RAB3IP: variants seen among roughly 807,000 people sequenced by gnomAD.
RAB3IP encodes the protein rab-3A-interacting protein.
A neutral mutation model predicts 59.1 loss-of-function variants in RAB3IP; 36 were observed. The observed-to-expected ratio is 0.61, with a 90% CI of 0.47 to 0.80. The LOEUF is 0.80. Ranked by LOEUF, RAB3IP falls within the 30% of genes least tolerant of loss-of-function variation. The pLI is 0.00. For synonymous variants in RAB3IP, 207 were observed against 191.2 expected (o/e 1.08, Z -0.68); for missense variants, 511 against 536.0 (o/e 0.95, Z 0.46).
intron 8 of RAB3IP, among the ~76,000 whole-genome samples, chr12:69,805,177 AGTGGTTT>A (rs1565924663): frequency 6.6e-6 from 1 of 152,130 alleles, no homozygotes; most frequent in Non-Finnish European, 1.5e-5. Flanking sequence ...TTCATTGAGC[AGTGGTTT>A]GTAGTTCTCC....
At chr12:69,761,013 T>G (rs1403345495) in intron 3 of RAB3IP, among the ~76,000 whole-genome samples, 1 of 152,190 alleles carries the variant, frequency 6.6e-6, no homozygotes, top group Non-Finnish European at 1.5e-5. Context: ...TCTCCTTTCC[T>G]CTGGATTCCT....
intron 10 of RAB3IP, 61 bp downstream of exon 10, chr12:69,813,094 AGTT>A: frequency 8.0e-7 from 1 of 1,246,182 alleles, no homozygotes. Context: ...GTATAAGTAA[AGTT>A]CAACAAAAAG....
At chr12:69,786,300 T>C (rs754454673) in intron 4 of RAB3IP, among the ~76,000 whole-genome samples, 1 of 152,254 alleles carries the variant, frequency 6.6e-6, no homozygotes. Flanking sequence ...TGAATGTCTT[T>C]AGACATGTAG....
In RAB3IP at chr12:69,819,862, A is replaced by G. The variant is rs1881510870; in HGVS notation, c.*4416A>G. 1 of 151,938 alleles carries G rather than the reference A, an allele frequency of 6.6e-6. No homozygotes were observed. Among genetic ancestry groups the G allele is most frequent in the Admixed American group, 6.6e-5 (1 of 15,234 alleles). 9.4% of individuals were successfully genotyped at this position (151,938 alleles called of 1,614,324 possible). A position where few individuals can be genotyped will look rare whatever the true frequency, so the allele number is the denominator to read the frequency against. ...AACTGGGAAGGTTAGTTAGGTGGCC[A>G]CTCCTCTCTCTTCATGGTCTCTCTC... On this transcript the variant is annotated 3_prime_UTR_variant, in exon 11 of 11. Transcript: ENST00000247833.
At chr12:69,779,346 C>T (rs984468020) in intron 3 of RAB3IP, among the ~76,000 whole-genome samples, 3 of 149,700 alleles carry the variant, frequency 2.0e-5, no homozygotes, top group Non-Finnish European at 3.0e-5. Flanking sequence ...CCCGGTACCT[C>T]AGATGGAAAT....
chr12:69,760,605 G>C (rs1157444016), intron 3 of RAB3IP, among the ~76,000 whole-genome samples: 1 of 152,028 alleles, frequency 6.6e-6, no homozygotes, highest in East Asian at 1.9e-4. Flanking sequence ...GTTTGATGGT[G>C]ATAAATTCTT....
In RAB3IP at chr12:69,821,754, G is replaced by C. The variant is rs1443977171; in HGVS notation, c.*6308G>C. 3.3e-5 allele frequency: 5 copies of C among 152,294 alleles called. No homozygotes were observed. The highest frequency in any genetic ancestry group is 1.2e-4 in the African/African-American group (5 of 41,554). The allele number at this position is 152,294 out of a possible 1,614,324, so 9.4% of individuals were successfully genotyped here. On this transcript the variant is annotated 3_prime_UTR_variant, in exon 11 of 11. Coordinates refer to ENST00000247833, the MANE Select transcript of RAB3IP (RefSeq NM_022456.5). ...CCCACAGTCTTGAATGACAACACTTGGGTGGAGCTGAGTGACTCCACCTGT... is the reference window on the plus strand; with the variant it reads ...CCCACAGTCTTGAATGACAACACTTCGGTGGAGCTGAGTGACTCCACCTGT...
chr12:69,809,354 T>C lies in RAB3IP; in HGVS notation c.1131-3424T>C, dbSNP rs1055161625. Among the ~76,000 whole-genome samples the C allele has an allele frequency of 2.6e-5, 4 of 152,322 alleles. No homozygotes were observed. In the South Asian group the frequency reaches 8.3e-4, roughly 32 times the overall value. ...AACATTTTTTCCTTTATTTCAACTT[T>C]GGTGAATCTGACAATTATGTGTCTT... On this transcript the variant is annotated intron_variant, in intron 8 of 10. Transcript: ENST00000247833.
chr12:69,758,940 T>G (rs1870714625), intron 3 of RAB3IP, among the ~76,000 whole-genome samples: 1 of 151,962 alleles, frequency 6.6e-6, no homozygotes, highest in Non-Finnish European at 1.5e-5. Context: ...AATGTAGTTG[T>G]CATTCCTTTG....
In RAB3IP at chr12:69,756,740, A is replaced by G. The variant is rs1397207568; in HGVS notation, c.510+77A>G. On this transcript the variant is annotated intron_variant, in intron 3 of 10. Coordinates refer to ENST00000247833, the MANE Select transcript of RAB3IP (RefSeq NM_022456.5). ...TTCTCCATGGGGTGGGGCAACCTGCAGAAATGAAATCATGATGGTTGTACA... is the reference window on the plus strand; with the variant it reads ...TTCTCCATGGGGTGGGGCAACCTGCGGAAATGAAATCATGATGGTTGTACA... 33 of 1,174,860 alleles carry G rather than the reference A, an allele frequency of 2.8e-5. 1 individual carries two copies. In the East Asian group the frequency reaches 8.2e-4, roughly 29 times the overall value. 72.8% of individuals were successfully genotyped at this position (1,174,860 alleles called of 1,614,324 possible).
chr12:69,754,796 G>A (rs763915232), intron 1 of RAB3IP, among the ~76,000 whole-genome samples: 1 of 152,034 alleles, frequency 6.6e-6, no homozygotes, highest in Non-Finnish European at 1.5e-5. Context: ...TAATATAATT[G>A]TTATTGAGTC....
intron 3 of RAB3IP, among the ~76,000 whole-genome samples, chr12:69,764,159 C>G (rs1871817401): frequency 6.6e-6 from 1 of 152,102 alleles, no homozygotes; most frequent in Non-Finnish European, 1.5e-5. Context: ...GGTGGTAATT[C>G]TTTCCCAAGG....
rs1223924806 is a variant in RAB3IP at position 69,822,775 on chromosome 12, G to A, written c.*7329G>A. 2 of 152,024 alleles carry A rather than the reference G, an allele frequency of 1.3e-5. No individual in the cohort carries two copies. Among genetic ancestry groups the A allele is most frequent in the Non-Finnish European group, 2.9e-5 (2 of 68,010 alleles). The allele number at this position is 152,024 out of a possible 1,614,324, so 9.4% of individuals were successfully genotyped here. A position where few individuals can be genotyped will look rare whatever the true frequency, so the allele number is the denominator to read the frequency against. On this transcript the variant is annotated 3_prime_UTR_variant, in exon 11 of 11. Coordinates refer to ENST00000247833, the MANE Select transcript of RAB3IP (RefSeq NM_022456.5). ...GTATGTTTGTATCAAAATATCATATGTACCCCATAAATATGTACAACTATT... is the reference window on the plus strand; with the variant it reads ...GTATGTTTGTATCAAAATATCATATATACCCCATAAATATGTACAACTATT...
intron 3 of RAB3IP, among the ~76,000 whole-genome samples, chr12:69,761,399 T>C (rs1871289314): frequency 6.6e-6 from 1 of 152,242 alleles, no homozygotes; most frequent in African/African-American, 2.4e-5. Flanking sequence ...CACTGTCTTT[T>C]ATTGCCTAAT....
chr12:69,760,005 T>G (rs1207503139), intron 3 of RAB3IP, among the ~76,000 whole-genome samples: 1 of 151,908 alleles, frequency 6.6e-6, no homozygotes, highest in Non-Finnish European at 1.5e-5. Context: ...TGCAATCTCG[T>G]CACTTTGGGA....
At chr12:69,807,976 T>C (rs1363467467) in intron 8 of RAB3IP, among the ~76,000 whole-genome samples, 2 of 152,224 alleles carry the variant, frequency 1.3e-5, no homozygotes, top group African/African-American at 4.8e-5. Context: ...CTTTCAATTG[T>C]GATGTTAGGG....
chr12:69,787,289 A>G (rs911079459), intron 4 of RAB3IP, among the ~76,000 whole-genome samples: 1 of 152,194 alleles, frequency 6.6e-6, no homozygotes, highest in African/African-American at 2.4e-5. Context: ...CAATTTTGAG[A>G]TAATATAAAA....
chr12:69,764,495 T>G (rs564916977), intron 3 of RAB3IP, among the ~76,000 whole-genome samples: 61 of 152,318 alleles, frequency 4.0e-4, no homozygotes, highest in Middle Eastern at 3.4e-3. Flanking sequence ...TTTGTTCCAT[T>G]AGTCTATGTG....
intron 3 of RAB3IP, among the ~76,000 whole-genome samples, chr12:69,768,960 G>T (rs924011246): frequency 6.6e-6 from 1 of 152,102 alleles, no homozygotes; most frequent in Non-Finnish European, 1.5e-5. Flanking sequence ...ATGTGTTGTG[G>T]GAGGGACCCT....
Sources: gnomAD v4.1 joint callset for allele counts (sites outside exome capture counted in the v4.1 genomes callset) on GRCh38, gnomAD v4.1.1 for gene constraint, MANE v1.5 for transcripts, NCBI Gene and HGNC (gene_info 2026-07-23, HGNC 2026-07-21) for gene names.